The following ANK1 variants were observed in gnomAD, a reference collection of about 807,000 sequenced individuals.
ANK1 encodes the protein ankyrin-1.
ANK1 carries 51 observed loss-of-function variants against 210.4 expected under a neutral mutation model. The ratio of observed to expected loss-of-function variants is 0.24; its 90% CI spans 0.19 to 0.31. The LOEUF (loss-of-function observed/expected upper bound fraction) is 0.31, where lower values mean the gene tolerates loss of function less well. Ranked by LOEUF, ANK1 falls within the 10% of genes least tolerant of loss-of-function variation. ANK1 has a pLI of 1.00. For synonymous variants in ANK1, 967 were observed against 1,025.9 expected (o/e 0.94, Z 1.10); for missense variants, 2,051 against 2,504.4 (o/e 0.82, Z 3.86).
At chr8:41,727,879 C>G in intron 4 of ANK1, 29 bp downstream of exon 4, 4 of 1,611,096 alleles carry the variant, frequency 2.5e-6, no homozygotes, top group Non-Finnish European at 3.4e-6. Flanking sequence ...AAAGGCAACA[C>G]CCTCTAGTCC....
In ANK1 at chr8:41,718,223, G is replaced by C; in HGVS notation, c.1108-19C>G. On this transcript the variant is annotated intron_variant, in intron 10 of 42. Transcript: ENST00000289734. ...AGCCATTCTGCAGCCCACACAAAGG[G>C]AGACAGACAAGCAGGAGCTTACACA... 1 of 1,611,536 alleles carries C rather than the reference G, an allele frequency of 6.2e-7. No homozygotes were observed. Among genetic ancestry groups the C allele is most frequent in the Non-Finnish European group, 8.5e-7 (1 of 1,178,516 alleles).
At chr8:41,697,935 T>G in intron 24 of ANK1, 108 bp downstream of exon 24, 540 of 991,312 alleles carry the variant, frequency 5.4e-4, no homozygotes, top group Non-Finnish European at 7.6e-4. Context: ...GAGTGGCATG[T>G]GAGCTATTAG....
At chr8:41,818,026 T>C (rs574230334) in intron 1 of ANK1, among the ~76,000 whole-genome samples, 1 of 152,356 alleles carries the variant, frequency 6.6e-6, no homozygotes, top group South Asian at 2.1e-4. Context: ...GATGGCCACC[T>C]GCACATACAG....
chr8:41,792,187 G>A (rs906336878), intron 1 of ANK1, among the ~76,000 whole-genome samples: 11 of 152,166 alleles, frequency 7.2e-5, no homozygotes, highest in Middle Eastern at 3.2e-3. Context: ...AAGGGTGAGC[G>A]GGAGGCAGCA....
intron 1 of ANK1, among the ~76,000 whole-genome samples, chr8:41,769,137 A>G (rs1246012345): frequency 2.6e-5 from 4 of 152,258 alleles, no homozygotes; most frequent in African/African-American, 7.2e-5. Context: ...CTGAAATGTA[A>G]TAATACAACT....
At chr8:41,764,499 G>C (rs1586791553) in intron 1 of ANK1, among the ~76,000 whole-genome samples, 1 of 152,176 alleles carries the variant, frequency 6.6e-6, no homozygotes, top group East Asian at 1.9e-4. Context: ...TGACAAACCG[G>C]AGCAGAATGA....
At chr8:41,679,786 G>A (rs1586005990) in intron 37 of ANK1, among the ~76,000 whole-genome samples, 1 of 151,084 alleles carries the variant, frequency 6.6e-6, no homozygotes, top group African/African-American at 2.4e-5. Context: ...GGATGGTCTC[G>A]ATCTCCTGAC....
chr8:41,718,074 C>T, intron 11 of ANK1, 32 bp downstream of exon 11: 2 of 1,605,218 alleles, frequency 1.2e-6, no homozygotes, highest in Non-Finnish European at 1.7e-6. Flanking sequence ...GACCACAGGC[C>T]TGCCCCCAGG....
At position 41,848,993 on chromosome 8, in the gene ANK1, G is replaced by A. The variant is rs148202613; in HGVS notation, c.126+47362C>T. On this transcript the variant is annotated intron_variant, in intron 1 of 42. Transcript: ENST00000265709. ...GAGCTTGACCTGCCTCTGTCCACCT[G>A]GAGCATTATTGATTGAAGTTTCCAC... Among the ~76,000 whole-genome samples the A allele has an allele frequency of 7.9e-5, 12 of 152,280 alleles. No homozygotes were observed. In the East Asian group the frequency reaches 2.3e-3, roughly 29 times the overall value.
At chr8:41,762,617 C>A (rs1403360452) in intron 1 of ANK1, among the ~76,000 whole-genome samples, 1 of 152,198 alleles carries the variant, frequency 6.6e-6, no homozygotes, top group Non-Finnish European at 1.5e-5. Flanking sequence ...GAAGATCAAG[C>A]TGTTGGCTCT....
intron 1 of ANK1, among the ~76,000 whole-genome samples, chr8:41,877,905 A>C (rs1816874968): frequency 6.6e-6 from 1 of 152,220 alleles, no homozygotes; most frequent in Admixed American, 6.5e-5. Context: ...AACAGAGCTA[A>C]GGCGAGTAGG....
In ANK1 at chr8:41,725,835, C is replaced by T. The variant is rs1479278167; in HGVS notation, c.538G>A (p.Ala180Thr). Residue 180 changes from alanine (A) to threonine (T), a missense_variant, in exon 6 of 43, where the codon GCG (alanine) becomes ACG (threonine). By Grantham distance (58) the Ala-to-Thr change is moderately conservative (BLOSUM62 0). This residue lies in a region of ANK1 where 1,413 missense variants were observed against 1,707.4 expected (regional missense o/e 0.83). Transcript: ENST00000289734. The part of the protein sequence containing the change: ...GKVRLPALHI[A>T]ARNDDTRTAA... ...GTGCGCGTGTCGTCGTTGCGGGCCG[C>T]GATGTGCAGGGCCGGGAGGCGCACC... 2 of 1,611,966 alleles carry T rather than the reference C, an allele frequency of 1.2e-6. No individual in the cohort carries two copies. The highest frequency in any genetic ancestry group is 1.7e-5 in the Admixed American group (1 of 59,950).
At chr8:41,665,600 T>G in intron 39 of ANK1, 1 of 289,398 alleles carries the variant, frequency 3.5e-6, no homozygotes, top group Non-Finnish European at 6.8e-6. Context: ...ACTGCGGTGA[T>G]CCAAATGCTG....
chr8:41,680,750 G>T (rs1429160126), intron 37 of ANK1, among the ~76,000 whole-genome samples: 1 of 152,156 alleles, frequency 6.6e-6, no homozygotes, highest in Non-Finnish European at 1.5e-5. Context: ...TGTATTGCTG[G>T]TGCTGGTGGG....
intron 42 of ANK1, among the ~76,000 whole-genome samples, chr8:41,656,472 G>A (rs1262199578): frequency 2.0e-5 from 3 of 152,260 alleles, no homozygotes; most frequent in African/African-American, 7.2e-5. Context: ...GGCTGGAAAA[G>A]AGCAGCTTTG....
At chr8:41,683,961 T>C (rs1214780460) in intron 37 of ANK1, among the ~76,000 whole-genome samples, 1 of 151,624 alleles carries the variant, frequency 6.6e-6, no homozygotes, top group African/African-American at 2.4e-5. Context: ...GGAGATGAGA[T>C]GATAGAAAAG....
intron 1 of ANK1, among the ~76,000 whole-genome samples, chr8:41,845,590 C>A (rs539279785): frequency 6.6e-6 from 1 of 152,090 alleles, no homozygotes; most frequent in Admixed American, 6.6e-5. Flanking sequence ...GGGTCTGGAT[C>A]ATGAAACAGT....
At chr8:41,792,442 G>A (rs879530508) in intron 1 of ANK1, among the ~76,000 whole-genome samples, 2 of 152,224 alleles carry the variant, frequency 1.3e-5, no homozygotes, top group Admixed American at 6.5e-5. Flanking sequence ...CAAAGCTCAC[G>A]ATCTGGGCAA....
At chr8:41,787,299 T>C (rs956811587) in intron 1 of ANK1, among the ~76,000 whole-genome samples, 3 of 152,234 alleles carry the variant, frequency 2.0e-5, no homozygotes, top group Non-Finnish European at 4.4e-5. Flanking sequence ...TGATATTAAA[T>C]GGCAATTCAC....
Sources: gnomAD v4.1 joint callset for allele counts (sites outside exome capture counted in the v4.1 genomes callset) on GRCh38, gnomAD v4.1.1 for gene constraint, gnomAD v4.1.1 regional missense constraint, MANE v1.5 for transcripts, NCBI Gene and HGNC (gene_info 2026-07-23, HGNC 2026-07-21) for gene names.